FLNC: variants seen among roughly 807,000 people sequenced by gnomAD.
FLNC encodes filamin-C.
In FLNC, 91 loss-of-function variants were observed where a neutral mutation model predicts 254.3. The observed-to-expected ratio is 0.36, with a 90% CI of 0.30 to 0.43. FLNC has a LOEUF of 0.43. Among genes scored for constraint, FLNC ranks in the 20% least tolerant of loss-of-function variants. The probability of loss-of-function intolerance (pLI) is 1.00; values close to 1 mark genes in which losing one functional copy is unlikely to be tolerated. For synonymous variants in FLNC, 1,430 were observed against 1,577.2 expected (o/e 0.91, Z 2.21); for missense variants, 2,853 against 3,802.6 (o/e 0.75, Z 6.57).
chr7:128,837,748 C>T lies in FLNC; in HGVS notation c.962C>T (p.Thr321Ile). Residue 321 changes from threonine (T) to isoleucine (I), a missense_variant, in exon 5 of 48, where the codon ACC becomes ATC. Physicochemically the swap from Thr to Ile is moderately conservative, Grantham distance 89. Around this residue, in one of 10 missense-constraint regions of FLNC, gnomAD observed 1,573 missense variants for 1,883.5 expected, o/e 0.84. Transcript: ENST00000325888. ...TACATCGAGGACCCTGAAGGCCACA[C>T]CGAGGAGGTATGCAGAGGCCGCTGG... ...LVYIEDPEGHTEEAKVVPNND... is the reference protein window; with the variant it reads ...LVYIEDPEGHIEEAKVVPNND... 6.3e-7 allele frequency: 1 copy of T among 1,578,146 alleles called. No homozygotes were observed. Among genetic ancestry groups the T allele is most frequent in the Non-Finnish European group, 8.6e-7 (1 of 1,162,698 alleles).
At chr7:128,843,053 GACATGGTGGAGCCCT>G in intron 16 of FLNC, 99 bp downstream of exon 16, 1 of 1,484,546 alleles carries the variant, frequency 6.7e-7, no homozygotes, top group Non-Finnish European at 9.3e-7. Flanking sequence ...TGATTCCGCA[GACATGGTGGAGCCCT>G]ACCTGTGTGA....
At chr7:128,834,683 A>G (rs1808028812) in intron 1 of FLNC, among the ~76,000 whole-genome samples, 1 of 151,286 alleles carries the variant, frequency 6.6e-6, no homozygotes. Flanking sequence ...AAACCAGACC[A>G]AAAAAAAAGA....
Position 128,839,011 on chromosome 7 carries a change from G to A in FLNC, c.1411+208G>A, listed in dbSNP as rs76988227. Among the ~76,000 whole-genome samples, 4,190 of 152,264 alleles carry A rather than the reference G, an allele frequency of 0.028. 93 individuals carry two copies. Among genetic ancestry groups the A allele is most frequent in the Non-Finnish European group, 0.038 (2,552 of 68,004 alleles). ...ATGTGCCACCCTGGGAGGGCTGAGCGGAAGTGACGGGGCTGTATGGGTGGG... is the reference window on the plus strand; with the variant it reads ...ATGTGCCACCCTGGGAGGGCTGAGCAGAAGTGACGGGGCTGTATGGGTGGG... On this transcript the variant is annotated intron_variant, in intron 8 of 47. Coordinates refer to ENST00000325888, the MANE Select transcript of FLNC (RefSeq NM_001458.5).
chr7:128,857,274 T>C lies in FLNC; in HGVS notation c.7718T>C (p.Ile2573Thr). ...CCCATGGCCCCTGGCAACTACCTCA[T>C]TGCCATCAAGTACGGTGGCCCCCAG... The part of the protein sequence containing the change: ...YTPMAPGNYL[I>T]AIKYGGPQHI... Residue 2573 changes from isoleucine (I) to threonine (T), a missense_variant, in exon 46 of 48, where the codon ATT becomes ACT. Coordinates refer to ENST00000325888, the MANE Select transcript of FLNC (RefSeq NM_001458.5). This position sits in a 1 kb window ranked among gnomAD's most constrained non-coding sequence, Gnocchi z 4.5. The C allele has an allele frequency of 2.5e-6, 4 of 1,614,086 alleles. No homozygotes were observed. Among genetic ancestry groups the C allele is most frequent in the South Asian group, 1.1e-5 (1 of 91,084 alleles).
rs1421354280 is a variant in FLNC, at chr7:128,843,727, A to G, written c.2812-69A>G. 4 of 1,522,756 alleles carry G rather than the reference A, an allele frequency of 2.6e-6. No homozygotes were observed. The East Asian group carries it at 6.8e-5, about 26-fold the overall frequency. The allele number at this position is 1,522,756 out of a possible 1,614,324, so 94.3% of individuals were successfully genotyped here. The stretch of plus-strand genomic sequence containing the variant: ...ATGGTGGATCTGAGCTTCAGAGCCC[A>G]TATTCACCACCAGGATGTTGTAGGA... On this transcript the variant is annotated intron_variant, in intron 18 of 47. Coordinates refer to ENST00000325888, the MANE Select transcript of FLNC (RefSeq NM_001458.5).
chr7:128,852,485 C>A, intron 35 of FLNC, 106 bp from the exon 36 acceptor site: 9 of 1,325,458 alleles, frequency 6.8e-6, no homozygotes, highest in South Asian at 2.4e-5. Flanking sequence ...AGTGGCCCCC[C>A]GTGTCTGTTG....
At chr7:128,855,721 G>T (rs1364563097) in intron 43 of FLNC, among the ~76,000 whole-genome samples, 1 of 152,226 alleles carries the variant, frequency 6.6e-6, no homozygotes. Flanking sequence ...CCTATGGGCT[G>T]CAGAGCCTGG....
chr7:128,854,168 G>C lies in FLNC; in HGVS notation c.6679G>C (p.Gly2227Arg). ...PFPAVFGDFL[G>R]RERLGSFGSI... The stretch of plus-strand genomic sequence containing the variant: ...CCCTGCTGTGTTTGGGGACTTCCTG[G>C]GCCGGGAGCGCCTGGGATCCTTCGG... Residue 2227 changes from glycine (G) to arginine (R), a missense_variant, in exon 40 of 48, where the codon GGC becomes CGC. Around this residue, in one of 10 missense-constraint regions of FLNC, gnomAD observed 551 missense variants for 835.0 expected, o/e 0.66. Transcript: ENST00000325888. The C allele has an allele frequency of 6.2e-7, 1 of 1,610,852 alleles. No homozygotes were observed. The highest frequency in any genetic ancestry group is 8.5e-7 in the Non-Finnish European group (1 of 1,178,934).
chr7:128,851,578 G>T lies in FLNC; in HGVS notation c.5792G>T (p.Arg1931Leu), dbSNP rs780685346. Reference protein sequence around the residue: ...TAPGDYSIIVRFDDKHIPGSP... With the variant: ...TAPGDYSIIVLFDDKHIPGSP... ...CCTGGAGACTACAGCATCATCGTGC[G>T]CTTCGATGACAAGCACATCCCGGGG... is the stretch of plus-strand genomic sequence containing the variant. Residue 1931 changes from arginine to leucine, a missense_variant, in exon 35 of 48, where the codon CGC becomes CTC. Coordinates refer to ENST00000325888, the MANE Select transcript of FLNC (RefSeq NM_001458.5). The T allele has an allele frequency of 3.5e-5, 56 of 1,613,950 alleles. No individual in the cohort carries two copies. Among genetic ancestry groups the T allele is most frequent in the South Asian group, 7.7e-5 (7 of 91,086 alleles).
chr7:128,846,868 T>C lies in FLNC; in HGVS notation c.4251T>C (p.Tyr1417=), dbSNP rs1365708830. The stretch of plus-strand genomic sequence containing the variant: ...ACATCCCCTTCACTCCTGGAGACTA[T>C]GACGTCAACATCACCTTCGGGGGGC... ...VEYIPFTPGD[Y]DVNITFGGRP... is the part of the protein sequence containing the mutation. The change falls in exon 24 of 48, where the codon TAT becomes TAC. Residue 1417 remains tyrosine (Y), a synonymous_variant. Transcript: ENST00000325888. 2 of 1,614,220 alleles carry C rather than the reference T, an allele frequency of 1.2e-6. No individual in the cohort carries two copies. The highest frequency in any genetic ancestry group is 1.7e-6 in the Non-Finnish European group (2 of 1,180,014).
Position 128,854,786 on chromosome 7 carries a change from A to G in FLNC, c.7009A>G (p.Ile2337Val), listed in dbSNP as rs1229014681. The G allele has an allele frequency of 6.2e-7, 1 of 1,614,144 alleles. No homozygotes were observed. The highest frequency in any genetic ancestry group is 1.7e-5 in the Admixed American group (1 of 60,028). ...TTGCCTGTCCCCAGCCGAGTTCAGCATCTGGACCCGGGAGGCTGGCGCTGG... is the reference window on the plus strand; with the variant it reads ...TTGCCTGTCCCCAGCCGAGTTCAGCGTCTGGACCCGGGAGGCTGGCGCTGG... ...GVAGVPAEFS[I>V]WTREAGAGGL... The change falls in exon 42 of 48, where the codon ATC (isoleucine) becomes GTC (valine). Residue 2337 changes from isoleucine (I) to valine (V), a missense_variant. Transcript: ENST00000325888.
In FLNC at chr7:128,835,603, G is replaced by A. The variant is rs371333564; in HGVS notation, c.601+29G>A. The A allele has an allele frequency of 7.5e-6, 12 of 1,610,294 alleles. No individual in the cohort carries two copies. The highest frequency in any genetic ancestry group is 1.3e-5 in the African/African-American group (1 of 74,916). On this transcript the variant is annotated intron_variant, in intron 2 of 47. Coordinates refer to ENST00000325888, the MANE Select transcript of FLNC (RefSeq NM_001458.5). This position sits in a 1 kb window ranked among gnomAD's most constrained non-coding sequence, Gnocchi z 5.3. ...AGTGGGCCAGTGAGCACAGCATGGA[G>A]CCCTTAGCTCCCAAAGACAGAGGGG... is the stretch of plus-strand genomic sequence containing the variant.
At position 128,854,395 on chromosome 7, in the gene FLNC, A is replaced by G. The variant is rs1808962975; in HGVS notation, c.6728-18A>G. 1 of 1,607,156 alleles carries G rather than the reference A, an allele frequency of 6.2e-7. No homozygotes were observed. The highest frequency in any genetic ancestry group is 8.5e-7 in the Non-Finnish European group (1 of 1,177,344). On this transcript the variant is annotated intron_variant, in intron 40 of 47. Transcript: ENST00000325888. ...GGAGGAATCCCAGTGTTGCCCTGAC[A>G]TCCCCCAAACCCTGCAGGTGAGGCC...
At chr7:128,850,624 G>A (rs1403954920) in intron 32 of FLNC, 141 bp downstream of exon 32, 2 of 1,217,804 alleles carry the variant, frequency 1.6e-6, no homozygotes, top group Non-Finnish European at 2.4e-6. Context: ...GTTGGGCAGA[G>A]CCAGAACTCA....
Position 128,857,346 on chromosome 7 carries a change from A to G in FLNC, c.7780+10A>G, listed in dbSNP as rs201149834. 3,264 of 1,599,408 alleles carry G rather than the reference A, an allele frequency of 2.0e-3. 5 individuals carry two copies. The highest frequency in any genetic ancestry group is 0.011 in the African/African-American group (793 of 74,672). ...AAGGCCAAGGTCACTGGTGAGTGCC[A>G]GTTTGGGGGAGGTCCACCCAGCCTG... is the stretch of plus-strand genomic sequence containing the variant. On this transcript the variant is annotated intron_variant, in intron 46 of 47. Transcript: ENST00000325888. The surrounding 1 kb of genome is among the most constrained non-coding windows in gnomAD (Gnocchi z 4.5).
At position 128,857,028 on chromosome 7, in the gene FLNC, C is replaced by G. The variant is rs1249047524; in HGVS notation, c.7562-90C>G. Reference sequence around the variant, plus strand: ...GGGCCCTGCTTCCTAAGCCAGGAGTCCCCACAGAGGCTGTCCAGGGAGCTG... The same window carrying G: ...GGGCCCTGCTTCCTAAGCCAGGAGTGCCCACAGAGGCTGTCCAGGGAGCTG... On this transcript the variant is annotated intron_variant, in intron 45 of 47. Transcript: ENST00000325888. The surrounding 1 kb of genome is among the most constrained non-coding windows in gnomAD (Gnocchi z 4.5). The G allele has an allele frequency of 6.4e-7, 1 of 1,565,924 alleles. No individual in the cohort carries two copies. Among genetic ancestry groups the G allele is most frequent in the Non-Finnish European group, 8.8e-7 (1 of 1,138,688 alleles).
intron 7 of FLNC, 53 bp downstream of exon 7, chr7:128,838,482 G>C (rs1808194720): frequency 6.3e-7 from 1 of 1,589,910 alleles, no homozygotes; most frequent in African/African-American, 1.3e-5. Flanking sequence ...ATGTGGGGCT[G>C]TGTGGGGGTG....
In FLNC at chr7:128,842,742, G is replaced by A. The variant is rs1209449550; in HGVS notation, c.2389+44G>A. On this transcript the variant is annotated intron_variant, in intron 15 of 47. Transcript: ENST00000325888. This position sits in a 1 kb window ranked among gnomAD's most constrained non-coding sequence, Gnocchi z 5.4. ...GGTGGGTCTGGGAGGGGGCGGGGGTGAGTCGAGTCGGGGGCTGAGCCCAAC... is the reference window on the plus strand; with the variant it reads ...GGTGGGTCTGGGAGGGGGCGGGGGTAAGTCGAGTCGGGGGCTGAGCCCAAC... 1 of 1,595,444 alleles carries A rather than the reference G, an allele frequency of 6.3e-7. No individual in the cohort carries two copies.
rs368455239 is a variant in FLNC at position 128,853,614 on chromosome 7, C to T, written c.6354C>T (p.His2118=). Residue 2118 remains histidine, a synonymous_variant, in exon 38 of 48, where the codon CAC becomes CAT. Transcript: ENST00000325888. The part of the protein sequence containing the change: ...YIINIKFADK[H]VPGSPFTVKV... ...TCAACATCAAGTTTGCTGACAAGCACGTGCCTGGTAAGGCTCTGGGCAGAG... is the reference window on the plus strand; with the variant it reads ...TCAACATCAAGTTTGCTGACAAGCATGTGCCTGGTAAGGCTCTGGGCAGAG... 3.6e-5 allele frequency: 58 copies of T among 1,614,008 alleles called. No homozygotes were observed. The highest frequency in any genetic ancestry group is 1.6e-4 in the Middle Eastern group (1 of 6,084).
Sources: gnomAD v4.1 joint callset for allele counts (sites outside exome capture counted in the v4.1 genomes callset) on GRCh38, gnomAD v4.1.1 for gene constraint, gnomAD v4.1.1 regional missense constraint, Gnocchi (gnomAD v3.1) non-coding constraint, MANE v1.5 for transcripts, NCBI Gene and HGNC (gene_info 2026-07-23, HGNC 2026-07-21) for gene names.